Variants in NCOR1 observed in about 807,000 individuals in gnomAD.
NCOR1 encodes the protein protein phosphatase 1, regulatory subunit 109.
Under a neutral mutation model 288.1 loss-of-function variants are expected in NCOR1, and 63 were observed. That is an observed-to-expected ratio of 0.22 (90% CI 0.18 to 0.27). The LOEUF (loss-of-function observed/expected upper bound fraction) is 0.27, where lower values mean the gene tolerates loss of function less well. Ranked by LOEUF, NCOR1 falls within the 10% of genes least tolerant of loss-of-function variation. NCOR1 has a pLI of 1.00. For missense variants in NCOR1, 2,397 were observed against 3,019.2 expected (o/e 0.79, Z 4.83); for synonymous variants, 1,007 against 1,065.9 (o/e 0.94, Z 1.08).
intron 3 of NCOR1, among the ~76,000 whole-genome samples, chr17:16,172,957 T>C (rs942511532): frequency 2.0e-5 from 3 of 152,202 alleles, no homozygotes; most frequent in African/African-American, 7.2e-5. Context: ...TTTTTTTGTT[T>C]GTTTATTTCT....
chr17:16,100,469 C>G (rs2067416959), intron 20 of NCOR1, among the ~76,000 whole-genome samples: 1 of 151,978 alleles, frequency 6.6e-6, no homozygotes, highest in African/African-American at 2.4e-5. Flanking sequence ...GGCAAAACCC[C>G]ATCTCTACTA....
chr17:16,139,285 T>C, intron 11 of NCOR1, 99 bp from the exon 12 acceptor site: 8 of 906,268 alleles, frequency 8.8e-6, no homozygotes, highest in Non-Finnish European at 1.3e-5. Flanking sequence ...AAACCATGTA[T>C]GCAGTTTAAT....
chr17:16,054,600 A>G (rs2059703471), intron 40 of NCOR1, among the ~76,000 whole-genome samples: 1 of 152,186 alleles, frequency 6.6e-6, no homozygotes, highest in African/African-American at 2.4e-5. Context: ...CAAGAAGCAT[A>G]TGAAAAAAAA....
At chr17:16,137,974 GT>G in intron 13 of NCOR1, 183 bp downstream of exon 13, 1 of 517,060 alleles carries the variant, frequency 1.9e-6, no homozygotes, top group Non-Finnish European at 3.4e-6. Context: ...TAACCATTTA[GT>G]TCTGTGTTCT....
chr17:16,077,516 AG>A (rs1555609462), intron 26 of NCOR1, among the ~76,000 whole-genome samples: 2 of 17,070 alleles, frequency 1.2e-4, no homozygotes, highest in Non-Finnish European at 2.1e-4. Flanking sequence ...AGGAGAGGGG[AG>A]GGGGGGAGGA....
Position 16,086,461 on chromosome 17 carries a change from A to G in NCOR1, c.3017-19T>C. The G allele has an allele frequency of 6.2e-7, 1 of 1,600,990 alleles. No individual in the cohort carries two copies. Among genetic ancestry groups the G allele is most frequent in the South Asian group, 1.1e-5 (1 of 90,454 alleles). On this transcript the variant is annotated intron_variant, in intron 22 of 45. Transcript: ENST00000268712. ...TGAAGGACTTTTAAAAGGAAAGAAAAATGATTTTAAACTAGTCCATTTCCT... is the reference window on the plus strand; with the variant it reads ...TGAAGGACTTTTAAAAGGAAAGAAAGATGATTTTAAACTAGTCCATTTCCT...
intron 19 of NCOR1, among the ~76,000 whole-genome samples, chr17:16,106,854 C>CACATATATATATATATAT (rs1555652880): frequency 1.1e-4 from 5 of 46,156 alleles, no homozygotes; most frequent in African/African-American, 5.3e-4. Context: ...CTTGATCAGA[C>CACATATATATATATATAT]ATATATATAT....
intron 3 of NCOR1, among the ~76,000 whole-genome samples, chr17:16,175,851 A>C (rs2084056544): frequency 7.0e-6 from 1 of 143,098 alleles, no homozygotes; most frequent in South Asian, 2.2e-4. Flanking sequence ...AAAAAAAAAA[A>C]GATGGGTTTA....
Position 16,068,045 on chromosome 17 carries a change from T to C in NCOR1, c.4590A>G (p.Pro1530=). 1.9e-6 allele frequency: 3 copies of C among 1,614,214 alleles called. No individual in the cohort carries two copies. The highest frequency in any genetic ancestry group is 1.7e-6 in the Non-Finnish European group (2 of 1,180,040). ...CCACCCCAGGCACTGGAGACTTCGC[T>C]GGGATACTTTCCCTCTGGGTAGGGG... ...TLTPTQRESI[P]AKSPVPGVDP... Residue 1530 remains proline (P), a synonymous_variant, in exon 32 of 46, where the codon CCA becomes CCG. Transcript: ENST00000268712.
At chr17:16,051,935 T>A (rs1001511715) in intron 40 of NCOR1, among the ~76,000 whole-genome samples, 1 of 151,748 alleles carries the variant, frequency 6.6e-6, no homozygotes, top group Non-Finnish European at 1.5e-5. Context: ...ATAAATAAAA[T>A]AAACAAAACG....
chr17:16,140,238 G>A (rs992967745), intron 11 of NCOR1, among the ~76,000 whole-genome samples: 7 of 150,490 alleles, frequency 4.7e-5, no homozygotes, highest in African/African-American at 9.8e-5. Flanking sequence ...AGATTTACTC[G>A]TCATTGTAGA....
rs62073627 is a variant in NCOR1 at position 16,127,109 on chromosome 17, G to A, written c.1510-903C>T. Among the ~76,000 whole-genome samples, 11 of 64,150 alleles carry A rather than the reference G, an allele frequency of 1.7e-4. 1 individual carries two copies. Among genetic ancestry groups the A allele is most frequent in the Non-Finnish European group, 3.9e-4 (9 of 23,354 alleles). The allele number at this position is 64,150 out of a possible 152,430, so 42.1% of individuals were successfully genotyped here. Reference sequence around the variant, plus strand: ...CAAAGTTTATCATAGGTGTGTGTGTGTATATGTATATATCTGTATGTATAT... The same window carrying A: ...CAAAGTTTATCATAGGTGTGTGTGTATATATGTATATATCTGTATGTATAT... On this transcript the variant is annotated intron_variant, in intron 14 of 45. Coordinates refer to ENST00000268712, the MANE Select transcript of NCOR1 (RefSeq NM_006311.4).
intron 15 of NCOR1, among the ~76,000 whole-genome samples, chr17:16,125,713 A>AC: frequency 6.6e-6 from 1 of 151,932 alleles, no homozygotes; most frequent in African/African-American, 2.4e-5. Context: ...AAAAAAAAAA[A>AC]AAAAAAAAAC....
intron 7 of NCOR1, 129 bp downstream of exon 7, chr17:16,153,210 A>AAGCTACATCTCTGCTC: frequency 1.6e-6 from 1 of 615,022 alleles, no homozygotes; most frequent in African/African-American, 1.8e-5. Context: ...ACTTCATCTC[A>AAGCTACATCTCTGCTC]AGCTACATCT....
chr17:16,112,828 T>C (rs1399652081), intron 18 of NCOR1, among the ~76,000 whole-genome samples: 4 of 152,012 alleles, frequency 2.6e-5, no homozygotes, highest in East Asian at 1.9e-4. Flanking sequence ...GACAGCCAGA[T>C]AGACACTTAC....
rs1030875304 is a variant in NCOR1, at chr17:16,068,068, G to C, written c.4567C>G (p.Pro1523Ala). Reference protein sequence around the residue: ...TNHERKSTLTPTQRESIPAKS... With the variant: ...TNHERKSTLTATQRESIPAKS... ...GCTGGGATACTTTCCCTCTGGGTAGGGGTCAGTGTCGATTTCCTTTCATGA... is the reference window on the plus strand; with the variant it reads ...GCTGGGATACTTTCCCTCTGGGTAGCGGTCAGTGTCGATTTCCTTTCATGA... The change falls in exon 32 of 46, where the codon CCT becomes GCT. Residue 1523 changes from proline to alanine, a missense_variant. Physicochemically the swap from Pro to Ala is conservative, Grantham distance 27. Transcript: ENST00000268712. The C allele has an allele frequency of 6.2e-7, 1 of 1,614,106 alleles. No individual in the cohort carries two copies. The highest frequency in any genetic ancestry group is 1.1e-5 in the South Asian group (1 of 91,062).
intron 18 of NCOR1, among the ~76,000 whole-genome samples, chr17:16,109,770 T>G (rs2069609587): frequency 6.6e-6 from 1 of 152,228 alleles, no homozygotes; most frequent in African/African-American, 2.4e-5. Flanking sequence ...AATCTTGCTC[T>G]GTCACCCAGG....
Position 16,171,849 on chromosome 17 carries a change from A to C in NCOR1, c.389T>G (p.Val130Gly). 6.2e-7 allele frequency: 1 copy of C among 1,611,896 alleles called. No homozygotes were observed. ...QRVSAAVLPL[V>G]HPLPEGLRAS... ...CCTCAGCCCTTCTGGCAGCGGGTGC[A>C]CTAAAGGCAAAACCGCAGCACTGAC... The change falls in exon 4 of 46, where the codon GTG (valine) becomes GGG (glycine). Residue 130 changes from valine to glycine, a missense_variant. Coordinates refer to ENST00000268712, the MANE Select transcript of NCOR1 (RefSeq NM_006311.4).
chr17:16,057,795 T>C (rs896020779), intron 39 of NCOR1, 58 bp from the exon 40 acceptor site: 2 of 1,501,910 alleles, frequency 1.3e-6, no homozygotes, highest in African/African-American at 1.4e-5. Context: ...AAAAAAAAAA[T>C]AGTATTAAGA....
Sources: gnomAD v4.1 joint callset for allele counts (sites outside exome capture counted in the v4.1 genomes callset) on GRCh38, gnomAD v4.1.1 for gene constraint, MANE v1.5 for transcripts, NCBI Gene and HGNC (gene_info 2026-07-23, HGNC 2026-07-21) for gene names.